SAMD12: variants seen among roughly 807,000 people sequenced by gnomAD.
SAMD12 encodes sterile alpha motif domain-containing protein 12.
In SAMD12, 9 loss-of-function variants were observed where a neutral mutation model predicts 15.0. That is an observed-to-expected ratio of 0.60 (90% CI 0.36 to 1.05). The LOEUF (loss-of-function observed/expected upper bound fraction) is 1.05, where lower values mean the gene tolerates loss of function less well. Among genes scored for constraint, SAMD12 ranks in the 50% least tolerant of loss-of-function variants. The pLI is 0.01. For missense variants in SAMD12, 230 were observed against 234.2 expected, an observed-to-expected ratio of 0.98 and a Z score of 0.12; for synonymous variants, 86 against 90.1, an observed-to-expected ratio of 0.96 and a Z score of 0.25.
intron 2 of SAMD12, among the ~76,000 whole-genome samples, chr8:118,557,037 CAG>C (rs1826554547): frequency 6.6e-6 from 1 of 152,034 alleles, no homozygotes; most frequent in South Asian, 2.1e-4. Context: ...AGGGCCATAA[CAG>C]AGGAACAAGC....
At chr8:118,347,084 C>T (rs1300947553) in intron 4 of SAMD12, among the ~76,000 whole-genome samples, 1 of 152,174 alleles carries the variant, frequency 6.6e-6, no homozygotes, top group Non-Finnish European at 1.5e-5. Flanking sequence ...TGCCACCATG[C>T]CTGGTTAATT....
chr8:118,284,750 G>A (rs576841082), intron 4 of SAMD12: 17 of 163,642 alleles, frequency 1.0e-4, no homozygotes, highest in South Asian at 6.3e-4. Flanking sequence ...AGACCATCCT[G>A]GCTAACACGG....
intron 4 of SAMD12, among the ~76,000 whole-genome samples, chr8:118,214,363 T>C (rs1226509273): frequency 6.6e-6 from 1 of 152,192 alleles, no homozygotes; most frequent in Non-Finnish European, 1.5e-5. Flanking sequence ...TCAAGACCTT[T>C]TGTTTCAACA....
chr8:118,157,625 G>A, the SAMD12 span, among the ~76,000 whole-genome samples: 4 of 152,218 alleles, frequency 2.6e-5, no homozygotes, highest in Non-Finnish European at 5.9e-5. Flanking sequence ...TCTTTATCAA[G>A]TGTGATAAAG....
At chr8:118,448,243 C>T (rs1822977070) in intron 2 of SAMD12, among the ~76,000 whole-genome samples, 1 of 152,152 alleles carries the variant, frequency 6.6e-6, no homozygotes, top group South Asian at 2.1e-4. Flanking sequence ...CCTGATCTCC[C>T]TGTTTAAAAA....
intron 4 of SAMD12, among the ~76,000 whole-genome samples, chr8:118,298,442 GAA>G (rs1197374525): frequency 1.3e-5 from 2 of 152,086 alleles, no homozygotes; most frequent in South Asian, 4.2e-4. Context: ...AAAAAGATGT[GAA>G]AGAGACTGGC....
intron 3 of SAMD12, among the ~76,000 whole-genome samples, chr8:118,393,181 A>G (rs1156763073): frequency 1.3e-5 from 2 of 152,066 alleles, no homozygotes; most frequent in Non-Finnish European, 2.9e-5. Flanking sequence ...TCATGGAGAC[A>G]AAGTAAAAAC....
intron 2 of SAMD12, among the ~76,000 whole-genome samples, chr8:118,510,491 T>C (rs1055374729): frequency 1.8e-4 from 27 of 152,242 alleles, no homozygotes; most frequent in African/African-American, 6.0e-4. Context: ...GAAGTAGGTT[T>C]ATAATTTCAT....
chr8:118,360,206 T>C (rs1425300014), intron 4 of SAMD12, among the ~76,000 whole-genome samples: 1 of 152,194 alleles, frequency 6.6e-6, no homozygotes, highest in African/African-American at 2.4e-5. Context: ...CCCTGGAGTC[T>C]AAGTAATAAG....
At chr8:118,397,298 T>A (rs1820626946) in intron 3 of SAMD12, among the ~76,000 whole-genome samples, 1 of 151,916 alleles carries the variant, frequency 6.6e-6, no homozygotes. Context: ...GGTAGATCAG[T>A]GAGATGAACC....
chr8:118,481,959 A>G (rs1033887578), intron 2 of SAMD12, among the ~76,000 whole-genome samples: 10 of 152,192 alleles, frequency 6.6e-5, no homozygotes, highest in Admixed American at 6.5e-5. Flanking sequence ...AATTTCCCCA[A>G]CAGCCCCATG....
At chr8:118,217,255 G>A (rs771901933) in intron 4 of SAMD12, among the ~76,000 whole-genome samples, 6 of 152,180 alleles carry the variant, frequency 3.9e-5, no homozygotes, top group Non-Finnish European at 7.4e-5. Flanking sequence ...GCCCGCCTCG[G>A]CCTCCCAAAG....
In SAMD12 at chr8:118,508,553, C is replaced by G. The variant is rs1824988059; in HGVS notation, c.193-68592G>C. 2.0e-5 allele frequency among the ~76,000 whole-genome samples: 3 copies of G among 152,278 alleles called. No homozygotes were observed. In the South Asian group the frequency reaches 6.2e-4, roughly 32 times the overall value. On this transcript the variant is annotated intron_variant, in intron 2 of 3. Transcript: ENST00000314727. ...CAAATTACCCATGATTTCTCCATGT[C>G]TGAGAAGATAAAGACACCTTCGTGT...
chr8:118,448,172 C>T (rs1342095164), intron 2 of SAMD12, among the ~76,000 whole-genome samples: 1 of 152,144 alleles, frequency 6.6e-6, no homozygotes, highest in Non-Finnish European at 1.5e-5. Flanking sequence ...ATGGCTAATA[C>T]CCTCACTTCT....
At chr8:118,508,175 G>C (rs548113340) in intron 2 of SAMD12, among the ~76,000 whole-genome samples, 1 of 147,794 alleles carries the variant, frequency 6.8e-6, no homozygotes, top group East Asian at 2.0e-4. Context: ...TCTTAAAGGT[G>C]GGAATTGAAC....
intron 2 of SAMD12, among the ~76,000 whole-genome samples, chr8:118,477,439 C>G (rs2130981225): frequency 6.6e-6 from 1 of 152,276 alleles, no homozygotes; most frequent in African/African-American, 2.4e-5. Flanking sequence ...TGCTTGTTCC[C>G]TGAGACAGCT....
chr8:118,439,936 G>A lies in SAMD12; in HGVS notation c.218C>T (p.Pro73Leu), dbSNP rs369137578. Residue 73 changes from proline (P) to leucine (L), a missense_variant, in exon 3 of 4, where the codon CCG becomes CTG. Transcript: ENST00000314727. ...ATCCTGCTGGGTCCATAGAGCCACC[G>A]GTTTAGATAGCTTCACCGTAGCTGA... The part of the protein sequence containing the change: ...AKSATVKLSK[P>L]VALWTQQDVC... The A allele has an allele frequency of 5.0e-6, 8 of 1,613,620 alleles. No homozygotes were observed. The highest frequency in any genetic ancestry group is 2.2e-5 in the East Asian group (1 of 44,870).
At chr8:118,191,865 A>G (rs1819414353) in exon 5 of SAMD12, 1 of 119,594 alleles carries the variant, frequency 8.4e-6, no homozygotes, top group Non-Finnish European at 1.8e-5. Context: ...GAAAAGTAGA[A>G]CTGATTTAGG....
chr8:118,175,646 A>T, the SAMD12 span, among the ~76,000 whole-genome samples: 1 of 152,220 alleles, frequency 6.6e-6, no homozygotes, highest in African/African-American at 2.4e-5. Context: ...CAAATCAACA[A>T]GCAAAAAATA....
Sources: gnomAD v4.1 joint callset for allele counts (sites outside exome capture counted in the v4.1 genomes callset) on GRCh38, gnomAD v4.1.1 for gene constraint, MANE v1.5 for transcripts, NCBI Gene and HGNC (gene_info 2026-07-23, HGNC 2026-07-21) for gene names.